The following LIPI variants were observed in gnomAD, a reference collection of about 807,000 sequenced individuals.
The protein encoded by LIPI is lipase I.
Under a neutral mutation model 50.6 loss-of-function variants are expected in LIPI, and 59 were observed. The ratio of observed to expected loss-of-function variants is 1.16; its 90% confidence interval spans 0.94 to 1.45. LIPI has a LOEUF of 1.45. Among genes scored for constraint, LIPI ranks in the 40% most tolerant of loss-of-function variants. LIPI has a pLI of 0.00. For synonymous variants in LIPI, 203 were observed against 178.2 expected, an observed-to-expected ratio of 1.14 and a Z score of -1.11; for missense variants, 586 against 536.3, an observed-to-expected ratio of 1.09 and a Z score of -0.92.
At chr21:14,182,903 G>A (rs567670597) in intron 3 of LIPI, among the ~76,000 whole-genome samples, 33 of 151,906 alleles carry the variant, frequency 2.2e-4, no homozygotes, top group Non-Finnish European at 4.0e-4. Flanking sequence ...ATTGTGAAAA[G>A]GTAATTTATA....
intron 1 of LIPI, chr21:14,206,905 G>A: frequency 6.2e-7 from 1 of 1,609,370 alleles, no homozygotes; most frequent in Non-Finnish European, 8.5e-7. Context: ...AAGTTATTAT[G>A]TAAACATTTG....
chr21:14,193,433 C>G, intron 1 of LIPI, among the ~76,000 whole-genome samples: 1 of 151,836 alleles, frequency 6.6e-6, no homozygotes, highest in East Asian at 1.9e-4. Context: ...ACTAAACAAC[C>G]CCCCCAACTG....
At chr21:14,148,599 G>C (rs1438127613) in intron 8 of LIPI, among the ~76,000 whole-genome samples, 1 of 152,098 alleles carries the variant, frequency 6.6e-6, no homozygotes, top group African/African-American at 2.4e-5. Context: ...GTAGCATGCT[G>C]TACAGGTTTG....
At chr21:14,114,477 G>A (rs113660675) in intron 9 of LIPI, among the ~76,000 whole-genome samples, 2 of 152,200 alleles carry the variant, frequency 1.3e-5, no homozygotes, top group African/African-American at 4.8e-5. Context: ...GGCCCTGCCA[G>A]AGGAGCTAGA....
At chr21:14,171,255 A>G (rs989092325) in intron 4 of LIPI, among the ~76,000 whole-genome samples, 1 of 148,888 alleles carries the variant, frequency 6.7e-6, no homozygotes, top group African/African-American at 2.5e-5. Context: ...GCTCATGGGT[A>G]GGAAGAATCA....
At chr21:14,148,347 A>G (rs1377080387) in intron 8 of LIPI, among the ~76,000 whole-genome samples, 1 of 152,168 alleles carries the variant, frequency 6.6e-6, no homozygotes, top group Admixed American at 6.5e-5. Flanking sequence ...AGGAAAATAA[A>G]AGATCATTTA....
At chr21:14,151,457 T>C (rs1031823417) in intron 8 of LIPI, among the ~76,000 whole-genome samples, 1 of 152,202 alleles carries the variant, frequency 6.6e-6, no homozygotes, top group Non-Finnish European at 1.5e-5. Context: ...ATACCAACCA[T>C]GCTTCCTGAA....
chr21:14,135,506 G>C (rs1277606007), intron 9 of LIPI, among the ~76,000 whole-genome samples: 1 of 152,134 alleles, frequency 6.6e-6, no homozygotes, highest in Admixed American at 6.5e-5. Flanking sequence ...AGGGGAAGGA[G>C]AACACAGCAA....
In LIPI at chr21:14,117,456, A is replaced by C. The variant is rs1056114570; in HGVS notation, c.1296-8376T>G. On this transcript the variant is annotated intron_variant, in intron 9 of 9. Coordinates refer to ENST00000681601, the MANE Select transcript of LIPI (RefSeq NM_001302998.2). ...TGGCAGATGTCAAAGAGTATGCACA[A>C]CAGACTTTACCAATAGAAACTGATC... Among the ~76,000 whole-genome samples the C allele has an allele frequency of 7.2e-5, 11 of 152,336 alleles. No individual in the cohort carries two copies. The South Asian group carries it at 2.3e-3, about 32-fold the overall frequency.
At chr21:14,131,331 C>T (rs1365954825) in intron 9 of LIPI, among the ~76,000 whole-genome samples, 2 of 152,070 alleles carry the variant, frequency 1.3e-5, no homozygotes, top group South Asian at 4.1e-4. Context: ...ACATTTACCC[C>T]ACTCTGCCAC....
At chr21:14,133,530 G>A (rs975411867) in intron 9 of LIPI, among the ~76,000 whole-genome samples, 2 of 152,142 alleles carry the variant, frequency 1.3e-5, no homozygotes, top group Non-Finnish European at 2.9e-5. Context: ...ACTTAATGGG[G>A]AAAAGTTGAA....
At chr21:14,152,195 G>T (rs1051879395) in intron 8 of LIPI, among the ~76,000 whole-genome samples, 6 of 151,858 alleles carry the variant, frequency 4.0e-5, no homozygotes, top group Non-Finnish European at 7.4e-5. Flanking sequence ...CCACCTCCTG[G>T]GTTCAAGCAA....
At chr21:14,202,310 T>C (rs1434821115) in intron 1 of LIPI, among the ~76,000 whole-genome samples, 1 of 152,214 alleles carries the variant, frequency 6.6e-6, no homozygotes, top group African/African-American at 2.4e-5. Context: ...AATGACTTTC[T>C]TCACAGAATT....
chr21:14,165,633 GT>G (rs2018656557), intron 5 of LIPI, among the ~76,000 whole-genome samples: 2 of 149,622 alleles, frequency 1.3e-5, no homozygotes, highest in Admixed American at 6.6e-5. Flanking sequence ...TAGCAAAAAT[GT>G]TTCATTTCAG....
intron 1 of LIPI, among the ~76,000 whole-genome samples, chr21:14,195,719 C>A (rs1445949904): frequency 6.6e-6 from 1 of 152,020 alleles, no homozygotes; most frequent in South Asian, 2.1e-4. Context: ...ACTTGTGTAT[C>A]TGAAAAATAC....
In LIPI at chr21:14,144,726, A is replaced by T. The variant is rs1291776184; in HGVS notation, c.1192T>A (p.Ser398Thr). The T allele has an allele frequency of 6.4e-7, 1 of 1,568,912 alleles. No individual in the cohort carries two copies. Among genetic ancestry groups the T allele is most frequent in the East Asian group, 2.2e-5 (1 of 44,532 alleles). ...TGGAAATATGTCAAACCAATGCTTG[A>T]AATATTTACAAAGTCATTATAAAAT... ...AQFYNDFVNISSIGLTYFQSS... is the reference protein window; with the variant it reads ...AQFYNDFVNITSIGLTYFQSS... The change falls in exon 9 of 10, where the codon TCA becomes ACA. Residue 398 changes from serine (S) to threonine (T), a missense_variant. Ser to Thr is a moderately conservative substitution (Grantham distance 58). Coordinates refer to ENST00000681601, the MANE Select transcript of LIPI (RefSeq NM_001302998.2).
chr21:14,139,654 C>A (rs73162693), intron 9 of LIPI, among the ~76,000 whole-genome samples: 1 of 151,978 alleles, frequency 6.6e-6, no homozygotes, highest in African/African-American at 2.4e-5. Context: ...ATAACTCCTA[C>A]GAGAACAACA....
At chr21:14,155,216 A>G (rs146839342) in intron 7 of LIPI, among the ~76,000 whole-genome samples, 260 of 152,172 alleles carry the variant, frequency 1.7e-3, no homozygotes, top group African/African-American at 6.1e-3. Flanking sequence ...CAAAACTCAC[A>G]TGATATACTC....
At chr21:14,130,374 A>C (rs551603405) in intron 9 of LIPI, among the ~76,000 whole-genome samples, 2 of 152,308 alleles carry the variant, frequency 1.3e-5, no homozygotes, top group South Asian at 4.1e-4. Flanking sequence ...GAAATGTGAA[A>C]GATTTTAGCA....
Sources: gnomAD v4.1 joint callset for allele counts (sites outside exome capture counted in the v4.1 genomes callset) on GRCh38, gnomAD v4.1.1 for gene constraint, MANE v1.5 for transcripts, NCBI Gene and HGNC (gene_info 2026-07-23, HGNC 2026-07-21) for gene names.